Variants in ZBTB20 observed in about 807,000 individuals in gnomAD.
ZBTB20 encodes zinc finger and BTB domain-containing protein 20.
ZBTB20 carries 9 observed loss-of-function variants against 56.9 expected under a neutral mutation model. The observed-to-expected ratio is 0.16, with a 90% CI of 0.10 to 0.28. The LOEUF (loss-of-function observed/expected upper bound fraction) is 0.28. Among genes scored for constraint, ZBTB20 ranks in the 10% least tolerant of loss-of-function variants. The probability of loss-of-function intolerance (pLI) is 1.00; values close to 1 mark genes in which losing one functional copy is unlikely to be tolerated. For synonymous variants in ZBTB20, 417 were observed against 420.7 expected (o/e 0.99, Z 0.11); for missense variants, 655 against 1,003.0 (o/e 0.65, Z 4.69).
intron 3 of ZBTB20, among the ~76,000 whole-genome samples, chr3:114,937,075 C>T (rs927120237): frequency 2.0e-5 from 3 of 152,140 alleles, no homozygotes; most frequent in African/African-American, 4.8e-5. Context: ...CTGCAATAAA[C>T]GTATGTGTGC....
At chr3:114,914,925 G>T (rs2075684328) in intron 3 of ZBTB20, among the ~76,000 whole-genome samples, 1 of 151,730 alleles carries the variant, frequency 6.6e-6, no homozygotes, top group South Asian at 2.1e-4. Context: ...AATTCCACTT[G>T]GTCATGATGA....
At chr3:114,631,079 C>T (rs901550945) in intron 6 of ZBTB20, among the ~76,000 whole-genome samples, 3 of 152,034 alleles carry the variant, frequency 2.0e-5, no homozygotes, top group African/African-American at 4.8e-5. Flanking sequence ...ATAACCTTTT[C>T]CCCCAAGTGC....
intron 4 of ZBTB20, among the ~76,000 whole-genome samples, chr3:114,859,678 CTCTAAGCAAAGGCAGT>C (rs1371247720): frequency 6.7e-6 from 1 of 149,728 alleles, no homozygotes. Context: ...ATATAGCATG[CTCTAAGCAAAGGCAGT>C]CTTTTATAAA....
At chr3:114,770,438 A>C (rs2069115945) in intron 5 of ZBTB20, among the ~76,000 whole-genome samples, 1 of 151,928 alleles carries the variant, frequency 6.6e-6, no homozygotes, top group African/African-American at 2.4e-5. Context: ...AACAAGAGCA[A>C]AACTCCATCT....
At chr3:114,857,206 A>C (rs2075292366) in intron 4 of ZBTB20, among the ~76,000 whole-genome samples, 1 of 152,164 alleles carries the variant, frequency 6.6e-6, no homozygotes, top group African/African-American at 2.4e-5. Flanking sequence ...AATCTTGACA[A>C]GTGAGATAAA....
intron 2 of ZBTB20, among the ~76,000 whole-genome samples, chr3:115,013,246 T>C (rs899620672): frequency 6.7e-6 from 1 of 150,210 alleles, no homozygotes; most frequent in Non-Finnish European, 1.5e-5. Flanking sequence ...ATGAAGAAAA[T>C]AATACAAAAG....
At chr3:114,398,247 T>C (rs2086506380) in intron 7 of ZBTB20, among the ~76,000 whole-genome samples, 1 of 152,128 alleles carries the variant, frequency 6.6e-6, no homozygotes, top group African/African-American at 2.4e-5. Flanking sequence ...TGCTATATTA[T>C]TAGCGAGGGT....
chr3:115,146,671 C>T (rs897000381), intron 1 of ZBTB20, among the ~76,000 whole-genome samples: 10 of 152,060 alleles, frequency 6.6e-5, no homozygotes, highest in African/African-American at 1.9e-4. Context: ...ACACCTCCTG[C>T]CCCCCAGTTC....
intron 3 of ZBTB20, among the ~76,000 whole-genome samples, chr3:114,966,310 T>C (rs965155564): frequency 1.3e-5 from 2 of 151,862 alleles, no homozygotes; most frequent in African/African-American, 2.4e-5. Flanking sequence ...ACAGAGAACA[T>C]GCAAAAAAAT....
intron 2 of ZBTB20, among the ~76,000 whole-genome samples, chr3:115,047,177 TGAG>T (rs1405541502): frequency 6.6e-6 from 1 of 152,248 alleles, no homozygotes; most frequent in African/African-American, 2.4e-5. Flanking sequence ...GTTTTTGCTA[TGAG>T]GAGTACAATT....
chr3:115,118,736 A>G (rs1047938745), intron 1 of ZBTB20, among the ~76,000 whole-genome samples: 2 of 37,924 alleles, frequency 5.3e-5, no homozygotes, highest in Non-Finnish European at 8.9e-5. Context: ...TTTTTTTTTG[A>G]GACGGAGTCT....
chr3:114,691,254 C>T (rs993351752), intron 6 of ZBTB20, among the ~76,000 whole-genome samples: 7 of 151,890 alleles, frequency 4.6e-5, no homozygotes, highest in Admixed American at 6.6e-5. Context: ...TTAACATTAA[C>T]GTGTAAAAAA....
At chr3:114,482,442 C>A (rs910856872) in intron 7 of ZBTB20, among the ~76,000 whole-genome samples, 1 of 152,128 alleles carries the variant, frequency 6.6e-6, no homozygotes, top group African/African-American at 2.4e-5. Context: ...ATCTGAGTTA[C>A]CTCATAGATA....
intron 6 of ZBTB20, among the ~76,000 whole-genome samples, chr3:114,625,527 A>C (rs1300638873): frequency 6.6e-6 from 1 of 152,202 alleles, no homozygotes. Flanking sequence ...CTGATATCTC[A>C]AAGGTGTACA....
intron 3 of ZBTB20, among the ~76,000 whole-genome samples, chr3:114,901,389 G>T (rs2075112677): frequency 6.6e-6 from 1 of 152,072 alleles, no homozygotes; most frequent in African/African-American, 2.4e-5. Flanking sequence ...CTGCTTAAAA[G>T]TATATAGAGG....
At chr3:115,071,113 T>C (rs1337142226) in intron 2 of ZBTB20, 106 bp downstream of exon 2, 1 of 152,188 alleles carries the variant, frequency 6.6e-6, no homozygotes, top group East Asian at 1.9e-4. Context: ...TTGTTATTAC[T>C]GGAAATCCTA....
intron 7 of ZBTB20, among the ~76,000 whole-genome samples, chr3:114,415,279 G>A (rs2088421863): frequency 6.6e-6 from 1 of 152,148 alleles, no homozygotes; most frequent in African/African-American, 2.4e-5. Flanking sequence ...AAGAAAGAGA[G>A]TAAGAGAAAA....
At position 115,025,107 on chromosome 3, in the gene ZBTB20, C is replaced by T. The variant is rs528862633; in HGVS notation, c.-507+46112G>A. Among the ~76,000 whole-genome samples, 4 of 151,258 alleles carry T rather than the reference C, an allele frequency of 2.6e-5. No individual in the cohort carries two copies. The East Asian group carries it at 7.8e-4, about 30-fold the overall frequency. ...CCTTTCCCTCCTCCCACCTTCCATC[C>T]TCTGATGGGCCCAGTGTGTGTTGTT... On this transcript the variant is annotated intron_variant, in intron 2 of 11. Coordinates refer to ENST00000675478, the MANE Select transcript of ZBTB20 (RefSeq NM_001348800.3).
intron 4 of ZBTB20, among the ~76,000 whole-genome samples, chr3:114,898,028 T>A (rs1229488124): frequency 6.6e-6 from 1 of 152,132 alleles, no homozygotes; most frequent in East Asian, 1.9e-4. Context: ...TAGTGAGTCA[T>A]AGAGACCATA....
Sources: allele counts gnomAD v4.1 joint callset (sites outside exome capture counted in the v4.1 genomes callset), GRCh38; gene constraint gnomAD v4.1.1; transcripts MANE v1.5; gene names NCBI Gene and HGNC (gene_info 2026-07-23, HGNC 2026-07-21).